SPIDR: variants seen among roughly 807,000 people sequenced by gnomAD.
The protein encoded by SPIDR is DNA repair-scaffolding protein.
Under a neutral mutation model 104.6 loss-of-function variants are expected in SPIDR, and 93 were observed. The observed-to-expected ratio is 0.89, with a 90% CI of 0.75 to 1.06. The LOEUF (loss-of-function observed/expected upper bound fraction) is 1.06. Among genes scored for constraint, SPIDR ranks in the 50% least tolerant of loss-of-function variants. SPIDR has a pLI of 0.00. For synonymous variants in SPIDR, 431 were observed against 416.9 expected, an observed-to-expected ratio of 1.03 and a Z score of -0.41; for missense variants, 1,154 against 1,111.2, an observed-to-expected ratio of 1.04 and a Z score of -0.55.
At chr8:47,496,823 T>C (rs903383752) in intron 8 of SPIDR, among the ~76,000 whole-genome samples, 6 of 150,878 alleles carry the variant, frequency 4.0e-5, no homozygotes, top group African/African-American at 9.7e-5. Flanking sequence ...TTTGTTTGTT[T>C]GTTTGTTTGT....
intron 16 of SPIDR, among the ~76,000 whole-genome samples, chr8:47,725,461 G>A (rs576850667): frequency 1.3e-5 from 2 of 152,024 alleles, no homozygotes; most frequent in Non-Finnish European, 2.9e-5. Context: ...GCGTGATCTC[G>A]GCTGACTACA....
chr8:47,349,110 G>A (rs2052856316), intron 5 of SPIDR, among the ~76,000 whole-genome samples: 1 of 152,194 alleles, frequency 6.6e-6, no homozygotes, highest in Non-Finnish European at 1.5e-5. Flanking sequence ...GGTCTTTGAT[G>A]ATGGTGACCT....
At chr8:47,343,976 A>G (rs1236160669) in intron 5 of SPIDR, among the ~76,000 whole-genome samples, 29 of 138,456 alleles carry the variant, frequency 2.1e-4, no homozygotes, top group Non-Finnish European at 3.2e-4. Flanking sequence ...TTTTTTTTTT[A>G]TTATTATTAT....
intron 5 of SPIDR, among the ~76,000 whole-genome samples, chr8:47,329,055 C>T (rs575237851): frequency 7.3e-5 from 11 of 151,456 alleles, no homozygotes; most frequent in South Asian, 2.1e-4. Context: ...TACAGGCATG[C>T]GCCACCATGC....
intron 10 of SPIDR, among the ~76,000 whole-genome samples, chr8:47,642,125 T>C (rs2069140921): frequency 6.6e-6 from 1 of 152,004 alleles, no homozygotes; most frequent in African/African-American, 2.4e-5. Context: ...ACTTTATGGG[T>C]CAAGAATTCG....
intron 5 of SPIDR, among the ~76,000 whole-genome samples, chr8:47,374,368 A>G (rs2058408730): frequency 6.6e-6 from 1 of 152,266 alleles, no homozygotes; most frequent in East Asian, 1.9e-4. Flanking sequence ...AGGGAAAAAG[A>G]AATTATTTGC....
intron 8 of SPIDR, among the ~76,000 whole-genome samples, chr8:47,485,469 C>T (rs1398665128): frequency 6.6e-6 from 1 of 152,226 alleles, no homozygotes; most frequent in Admixed American, 6.5e-5. Context: ...CCTCTGCAGA[C>T]TTAAATGTCC....
At chr8:47,385,810 TTTGTTG>T (rs1157578380) in intron 5 of SPIDR, among the ~76,000 whole-genome samples, 3 of 152,182 alleles carry the variant, frequency 2.0e-5, no homozygotes, top group Admixed American at 6.5e-5. Context: ...TTTGTCCTCT[TTTGTTG>T]TTGTTGTTTT....
chr8:47,268,431 ATAT>A (rs1171195936), intron 1 of SPIDR, among the ~76,000 whole-genome samples: 1 of 152,198 alleles, frequency 6.6e-6, no homozygotes, highest in East Asian at 1.9e-4. Flanking sequence ...CATCTTAACA[ATAT>A]TATTTCCCAT....
intron 7 of SPIDR, among the ~76,000 whole-genome samples, chr8:47,410,139 C>G (rs2063302399): frequency 6.6e-6 from 1 of 151,918 alleles, no homozygotes; most frequent in African/African-American, 2.4e-5. Flanking sequence ...TCAGGATGAC[C>G]TAATATATAT....
chr8:47,700,034 A>C (rs534852649), intron 11 of SPIDR, among the ~76,000 whole-genome samples: 3 of 152,354 alleles, frequency 2.0e-5, no homozygotes, highest in Non-Finnish European at 2.9e-5. Context: ...GCATAGATAC[A>C]CATACATACA....
chr8:47,556,299 TC>T (rs1251234291), intron 8 of SPIDR, among the ~76,000 whole-genome samples: 1 of 152,222 alleles, frequency 6.6e-6, no homozygotes, highest in Non-Finnish European at 1.5e-5. Flanking sequence ...TAATGATTGT[TC>T]CATACTGAAT....
chr8:47,588,086 T>TACACACAC (rs371315393), intron 8 of SPIDR, among the ~76,000 whole-genome samples: 1 of 99,846 alleles, frequency 1.0e-5, no homozygotes, highest in Admixed American at 1.0e-4. Flanking sequence ...TATATATATA[T>TACACACAC]ACACGTATGT....
At chr8:47,493,042 A>AGTGTGTGT (rs60518877) in intron 8 of SPIDR, among the ~76,000 whole-genome samples, 7 of 140,616 alleles carry the variant, frequency 5.0e-5, no homozygotes, top group African/African-American at 1.8e-4. Flanking sequence ...AGAGAGAGTG[A>AGTGTGTGT]GTGTGTGTGT....
chr8:47,346,336 T>TA (rs1246902131), intron 5 of SPIDR, among the ~76,000 whole-genome samples: 1 of 152,244 alleles, frequency 6.6e-6, no homozygotes, highest in African/African-American at 2.4e-5. Context: ...TCGTGGTGGA[T>TA]ACGTTTTTTC....
intron 5 of SPIDR, among the ~76,000 whole-genome samples, chr8:47,348,364 T>G (rs1339217135): frequency 6.6e-6 from 1 of 152,190 alleles, no homozygotes; most frequent in African/African-American, 2.4e-5. Flanking sequence ...GACCTTTCTC[T>G]CTGGCTGCCC....
At chr8:47,424,432 G>A (rs2066084598) in intron 7 of SPIDR, among the ~76,000 whole-genome samples, 1 of 152,076 alleles carries the variant, frequency 6.6e-6, no homozygotes, top group Non-Finnish European at 1.5e-5. Flanking sequence ...AACCTCCAGA[G>A]TGGCTGGGAC....
intron 11 of SPIDR, among the ~76,000 whole-genome samples, chr8:47,687,390 C>T (rs974545103): frequency 6.6e-6 from 1 of 152,182 alleles, no homozygotes; most frequent in Non-Finnish European, 1.5e-5. Flanking sequence ...ATATGGTTTG[C>T]GTTTTTCACT....
chr8:47,483,903 G>A (rs1380740746), intron 8 of SPIDR, among the ~76,000 whole-genome samples: 1 of 151,850 alleles, frequency 6.6e-6, no homozygotes. Context: ...TGGAGTTCCA[G>A]TTTTACTAGA....
Sources: allele counts gnomAD v4.1 joint callset (sites outside exome capture counted in the v4.1 genomes callset), GRCh38; gene constraint gnomAD v4.1.1; transcripts MANE v1.5; gene names NCBI Gene and HGNC (gene_info 2026-07-23, HGNC 2026-07-21).